PRPSAP2: variants seen among roughly 807,000 people sequenced by gnomAD.
PRPSAP2 encodes phosphoribosyl pyrophosphate synthetase associated protein 2.
Under a neutral mutation model 40.6 loss-of-function variants are expected in PRPSAP2, and 24 were observed. The observed-to-expected ratio is 0.59, with a 90% CI of 0.43 to 0.83. The LOEUF (loss-of-function observed/expected upper bound fraction) is 0.83. Ranked by LOEUF, PRPSAP2 falls within the 40% of genes least tolerant of loss-of-function variation. The pLI, the probability that PRPSAP2 is intolerant of heterozygous loss-of-function variation, is 0.00. For missense variants in PRPSAP2, 292 were observed against 465.6 expected, an observed-to-expected ratio of 0.63 and a Z score of 3.43; for synonymous variants, 149 against 164.7, an observed-to-expected ratio of 0.90 and a Z score of 0.73.
At chr17:18,883,897 TG>T (rs370043004) in intron 7 of PRPSAP2, among the ~76,000 whole-genome samples, 113 of 152,202 alleles carry the variant, frequency 7.4e-4, no homozygotes, top group African/African-American at 2.6e-3. Flanking sequence ...ATAGAGAAAA[TG>T]AATTTAAGTA....
intron 8 of PRPSAP2, among the ~76,000 whole-genome samples, chr17:18,901,208 C>T (rs375368161): frequency 1.5e-4 from 23 of 152,188 alleles, no homozygotes; most frequent in African/African-American, 4.6e-4. Context: ...TAGGGAGAGC[C>T]GACCTTTGTT....
intron 7 of PRPSAP2, among the ~76,000 whole-genome samples, chr17:18,886,929 CTTTTTTTTTTTTT>C (rs71155365): frequency 4.0e-5 from 3 of 75,384 alleles, no homozygotes; most frequent in Admixed American, 2.0e-4. Flanking sequence ...TTCTTTTCTT[CTTTTTTTTTTTTT>C]TTTTTTTTTT....
At chr17:18,921,516 A>G (rs1277023045) in intron 9 of PRPSAP2, among the ~76,000 whole-genome samples, 2 of 152,148 alleles carry the variant, frequency 1.3e-5, no homozygotes, top group Non-Finnish European at 2.9e-5. Flanking sequence ...GGGGTCACAC[A>G]TTGCCTCTGG....
intron 1 of PRPSAP2, among the ~76,000 whole-genome samples, chr17:18,863,523 CTTCTCTT>C (rs1182145540): frequency 1.8e-5 from 2 of 109,716 alleles, no homozygotes; most frequent in Non-Finnish European, 4.2e-5. Context: ...TTTCTTTCTT[CTTCTCTT>C]TTCTTTTCTT....
At chr17:18,883,664 G>T (rs146355089) in intron 7 of PRPSAP2, among the ~76,000 whole-genome samples, 1,590 of 152,040 alleles carry the variant, frequency 0.01, 19 homozygotes, top group African/African-American at 0.037. Context: ...GGGATTACAG[G>T]CATGAGCCAC....
intron 10 of PRPSAP2, among the ~76,000 whole-genome samples, chr17:18,928,098 T>G (rs1278830300): frequency 6.6e-6 from 1 of 152,152 alleles, no homozygotes; most frequent in Non-Finnish European, 1.5e-5. Flanking sequence ...TATGTATATT[T>G]TTGATCATAG....
chr17:18,930,925 G>A lies in PRPSAP2; in HGVS notation c.*227G>A, dbSNP rs2042222784. Reference sequence around the variant, plus strand: ...AAACTTTATTCTCCTCTTTTGAAAAGGTAAGACCTCGTTTTAGTTGTAACT... The same window carrying A: ...AAACTTTATTCTCCTCTTTTGAAAAAGTAAGACCTCGTTTTAGTTGTAACT... On this transcript the variant is annotated 3_prime_UTR_variant, in exon 12 of 12. Transcript: ENST00000268835. The A allele has an allele frequency of 1.7e-5, 6 of 347,414 alleles. No homozygotes were observed. Among genetic ancestry groups the A allele is most frequent in the South Asian group, 1.1e-4 (1 of 8,836 alleles). The allele number at this position is 347,414 out of a possible 1,614,324, so 21.5% of individuals were successfully genotyped here. A position where few individuals can be genotyped will look rare whatever the true frequency, so the allele number is the denominator to read the frequency against.
At chr17:18,870,865 CT>C (rs1238893819) in intron 4 of PRPSAP2, among the ~76,000 whole-genome samples, 4 of 148,708 alleles carry the variant, frequency 2.7e-5, no homozygotes, top group Non-Finnish European at 6.0e-5. Context: ...AAGGACAATT[CT>C]TTTTTTTTCT....
At chr17:18,889,364 T>C (rs2039391510) in intron 7 of PRPSAP2, among the ~76,000 whole-genome samples, 1 of 152,224 alleles carries the variant, frequency 6.6e-6, no homozygotes, top group Non-Finnish European at 1.5e-5. Flanking sequence ...TTTAAAATAG[T>C]GCTGGGCCGA....
At chr17:18,900,935 G>A (rs966728992) in intron 8 of PRPSAP2, among the ~76,000 whole-genome samples, 6 of 152,114 alleles carry the variant, frequency 3.9e-5, no homozygotes, top group Non-Finnish European at 8.8e-5. Context: ...CACTGACTCT[G>A]GCAGTTGCTC....
intron 9 of PRPSAP2, among the ~76,000 whole-genome samples, chr17:18,913,601 T>C (rs954247228): frequency 1.5e-5 from 2 of 136,868 alleles, no homozygotes; most frequent in African/African-American, 5.6e-5. Context: ...CAGGCTGGAG[T>C]GCAGTTGTGC....
rs68125483 is a variant in PRPSAP2 at position 18,868,117 on chromosome 17, AAAAT to A, written c.172+801_172+804del. ...TACCACAGAGTGAGACCCTGTCTCA[AAAAT>A]AAATAAATAAATAAATAGAAAGTGA... On this transcript the variant is annotated intron_variant, in intron 4 of 11. Coordinates refer to ENST00000268835, the MANE Select transcript of PRPSAP2 (RefSeq NM_002767.4). 3.9e-5 allele frequency among the ~76,000 whole-genome samples: 6 copies of A among 152,154 alleles called. No homozygotes were observed. In the South Asian group the frequency reaches 8.3e-4, roughly 21 times the overall value.
chr17:18,871,358 C>G (rs2037854243), intron 4 of PRPSAP2, among the ~76,000 whole-genome samples: 1 of 152,290 alleles, frequency 6.6e-6, no homozygotes, highest in Non-Finnish European at 1.5e-5. Flanking sequence ...AACACCTCCA[C>G]CCCAAACCAG....
At chr17:18,926,767 A>AGTGT (rs2041999353) in intron 10 of PRPSAP2, among the ~76,000 whole-genome samples, 2 of 135,054 alleles carry the variant, frequency 1.5e-5, no homozygotes, top group Non-Finnish European at 3.2e-5. Flanking sequence ...TTGTGCATGT[A>AGTGT]GTGAGTGTGA....
chr17:18,882,699 CT>C lies in PRPSAP2; in HGVS notation c.528+22del. The C allele has an allele frequency of 6.8e-7, 1 of 1,474,100 alleles. No individual in the cohort carries two copies. The highest frequency in any genetic ancestry group is 9.5e-7 in the Non-Finnish European group (1 of 1,057,138). 91.3% of individuals were successfully genotyped at this position (1,474,100 alleles called of 1,614,324 possible). On this transcript the variant is annotated intron_variant, in intron 7 of 11. Coordinates refer to ENST00000268835, the MANE Select transcript of PRPSAP2 (RefSeq NM_002767.4). ...TCAAGAAGAGGTGAGCTAGCTCAAA[CT>C]TTTTTATTTTAACATTCTGATTAAG...
Position 18,877,716 on chromosome 17 carries a change from C to A in PRPSAP2, c.258C>A (p.Ile86=). The A allele has an allele frequency of 1.2e-6, 2 of 1,609,118 alleles. No homozygotes were observed. Among genetic ancestry groups the A allele is most frequent in the Non-Finnish European group, 1.7e-6 (2 of 1,178,596 alleles). ...GTTACAGGGACGTGAACACCACCAT[C>A]ATGGAGCTCCTGATCATGGTGTATG... is the stretch of plus-strand genomic sequence containing the variant. The part of the protein sequence containing the change: ...QTVSKDVNTT[I]MELLIMVYAC... Residue 86 remains isoleucine, a synonymous_variant, in exon 6 of 12, where the codon ATC becomes ATA. Coordinates refer to ENST00000268835, the MANE Select transcript of PRPSAP2 (RefSeq NM_002767.4).
chr17:18,865,798 C>G lies in PRPSAP2; in HGVS notation c.-32-4C>G. The stretch of plus-strand genomic sequence containing the variant: ...AGTTTTTAATAAGTATTATATCCTT[C>G]TAGGCTCTGAAAATTGGAAAACCAA... On this transcript the variant is annotated splice_polypyrimidine_tract_variant and splice_region_variant and intron_variant, in intron 2 of 11. Coordinates refer to ENST00000268835, the MANE Select transcript of PRPSAP2 (RefSeq NM_002767.4). 7.0e-7 allele frequency: 1 copy of G among 1,435,904 alleles called. No homozygotes were observed. Among genetic ancestry groups the G allele is most frequent in the Non-Finnish European group, 9.3e-7 (1 of 1,076,532 alleles). The allele number at this position is 1,435,904 out of a possible 1,614,324, so 88.9% of individuals were successfully genotyped here.
intron 9 of PRPSAP2, among the ~76,000 whole-genome samples, chr17:18,917,146 AG>A (rs1363267584): frequency 6.6e-6 from 1 of 151,964 alleles, no homozygotes; most frequent in Non-Finnish European, 1.5e-5. Context: ...GCCACCTTCG[AG>A]TTGTTGGGGA....
chr17:18,877,663 A>G (rs775707370), intron 5 of PRPSAP2, 35 bp from the exon 6 acceptor site: 1 of 1,568,348 alleles, frequency 6.4e-7, no homozygotes, highest in Non-Finnish European at 8.7e-7. Flanking sequence ...TGTGTTGTAG[A>G]TCCCTTGATG....
Sources: allele counts gnomAD v4.1 joint callset (sites outside exome capture counted in the v4.1 genomes callset), GRCh38; gene constraint gnomAD v4.1.1; transcripts MANE v1.5; gene names NCBI Gene and HGNC (gene_info 2026-07-23, HGNC 2026-07-21).